Variants in PARD3 observed in about 807,000 individuals in gnomAD.
PARD3 encodes the protein partitioning defective 3 homolog.
PARD3 carries 75 observed loss-of-function variants against 155.4 expected under a neutral mutation model. The observed-to-expected ratio is 0.48, with a 90% CI of 0.40 to 0.58. PARD3 has a LOEUF of 0.58. Ranked by LOEUF, PARD3 falls within the 20% of genes least tolerant of loss-of-function variation. The pLI is 0.00. For synonymous variants in PARD3, 576 were observed against 610.5 expected (o/e 0.94, Z 0.83); for missense variants, 1,642 against 1,721.7 (o/e 0.95, Z 0.82).
intron 2 of PARD3, among the ~76,000 whole-genome samples, chr10:34,694,725 C>T (rs1444872739): frequency 1.3e-5 from 2 of 152,084 alleles, no homozygotes; most frequent in Non-Finnish European, 2.9e-5. Context: ...CCCACAGGAG[C>T]CACATGGGAC....
At chr10:34,678,115 C>T (rs1442603930) in intron 2 of PARD3, among the ~76,000 whole-genome samples, 1 of 151,814 alleles carries the variant, frequency 6.6e-6, no homozygotes, top group African/African-American at 2.4e-5. Flanking sequence ...ACTCAGTCAC[C>T]AAGGCTGGAA....
At chr10:34,655,051 T>G (rs573985671) in intron 2 of PARD3, among the ~76,000 whole-genome samples, 1,739 of 151,806 alleles carry the variant, frequency 0.011, 36 homozygotes, top group African/African-American at 0.04. Flanking sequence ...TCAACAACTT[T>G]TACAGTAATA....
At chr10:34,717,881 T>C (rs189071047) in intron 1 of PARD3, among the ~76,000 whole-genome samples, 11 of 152,142 alleles carry the variant, frequency 7.2e-5, no homozygotes, top group Admixed American at 5.2e-4. Context: ...GGGCCAAGCG[T>C]GGTGGCTCAC....
intron 14 of PARD3, among the ~76,000 whole-genome samples, chr10:34,351,385 A>T (rs1838064686): frequency 6.6e-6 from 1 of 152,250 alleles, no homozygotes. Context: ...CATTATGTGG[A>T]AATAGGCTGT....
intron 2 of PARD3, among the ~76,000 whole-genome samples, chr10:34,610,012 G>A (rs533676331): frequency 1.5e-4 from 23 of 152,232 alleles, no homozygotes; most frequent in African/African-American, 4.1e-4. Context: ...AAACTTAGGC[G>A]GAGGCCAACT....
At chr10:34,349,149 G>T (rs1331029294) in intron 14 of PARD3, among the ~76,000 whole-genome samples, 1 of 152,188 alleles carries the variant, frequency 6.6e-6, no homozygotes, top group Non-Finnish European at 1.5e-5. Context: ...CAGCGGGAGA[G>T]AAGGCGCTCC....
chr10:34,494,206 T>C (rs1564776914), intron 3 of PARD3, among the ~76,000 whole-genome samples: 1 of 152,212 alleles, frequency 6.6e-6, no homozygotes, highest in African/African-American at 2.4e-5. Context: ...CTTGACCAGA[T>C]GCCTATGGCA....
chr10:34,348,117 T>C lies in PARD3; in HGVS notation c.2068-2A>G, dbSNP rs1837617421. Reference sequence around the variant, plus strand: ...AGGGGGGCTCCCAGGTGACTTCAGCTACAGAGTAACGGGTATGGGGGCAAA... The same window carrying C: ...AGGGGGGCTCCCAGGTGACTTCAGCCACAGAGTAACGGGTATGGGGGCAAA... On this transcript the variant is annotated splice_acceptor_variant, in intron 14 of 24. Coordinates refer to ENST00000374788, the MANE Select transcript of PARD3 (RefSeq NM_001184785.2). LOFTEE classifies it high-confidence loss of function. 6.2e-7 allele frequency: 1 copy of C among 1,604,526 alleles called. No individual in the cohort carries two copies. The highest frequency in any genetic ancestry group is 1.3e-5 in the African/African-American group (1 of 74,600).
intron 20 of PARD3, among the ~76,000 whole-genome samples, chr10:34,302,012 G>C (rs535717934): frequency 6.6e-6 from 1 of 151,744 alleles, no homozygotes; most frequent in South Asian, 2.1e-4. Context: ...GTGGTTAGAG[G>C]AATCTTTTAA....
At chr10:34,350,897 G>A (rs1299653080) in intron 14 of PARD3, among the ~76,000 whole-genome samples, 1 of 152,060 alleles carries the variant, frequency 6.6e-6, no homozygotes, top group African/African-American at 2.4e-5. Context: ...AAGTGATACA[G>A]TCTTTTGCTA....
chr10:34,274,073 C>T (rs1441876931), intron 21 of PARD3, among the ~76,000 whole-genome samples: 18 of 152,128 alleles, frequency 1.2e-4, no homozygotes, highest in Admixed American at 1.1e-3. Flanking sequence ...TCTAGGAGAA[C>T]CTTATTTCCT....
At chr10:34,428,174 CAACT>C (rs1233522302) in intron 5 of PARD3, among the ~76,000 whole-genome samples, 1 of 152,148 alleles carries the variant, frequency 6.6e-6, no homozygotes, top group Non-Finnish European at 1.5e-5. Flanking sequence ...CAAGATAGAA[CAACT>C]AACTGAGGAA....
intron 13 of PARD3, among the ~76,000 whole-genome samples, 162 bp downstream of exon 13, chr10:34,359,909 C>T (rs565430518): frequency 4.6e-5 from 7 of 152,210 alleles, no homozygotes; most frequent in African/African-American, 1.4e-4. Context: ...GACTCCATCC[C>T]CACGTGACAC....
chr10:34,229,877 A>C (rs1021771139), intron 22 of PARD3, among the ~76,000 whole-genome samples: 5 of 152,062 alleles, frequency 3.3e-5, no homozygotes, highest in African/African-American at 1.2e-4. Flanking sequence ...TTATTCATCC[A>C]ATTTGTGCAT....
At chr10:34,642,819 C>T (rs2092721161) in intron 2 of PARD3, among the ~76,000 whole-genome samples, 2 of 152,278 alleles carry the variant, frequency 1.3e-5, no homozygotes, top group Admixed American at 1.3e-4. Context: ...GACTACAGGG[C>T]CTCTTACCTG....
intron 3 of PARD3, among the ~76,000 whole-genome samples, chr10:34,515,628 C>T (rs571806320): frequency 8.5e-5 from 13 of 152,292 alleles, no homozygotes; most frequent in African/African-American, 2.6e-4. Context: ...TGTTAAACTG[C>T]TCTTCTTTCC....
At chr10:34,475,402 T>C (rs1372216755) in intron 3 of PARD3, among the ~76,000 whole-genome samples, 1 of 152,226 alleles carries the variant, frequency 6.6e-6, no homozygotes, top group African/African-American at 2.4e-5. Context: ...CACAAATATG[T>C]AGCTGGAAGA....
chr10:34,311,778 C>T (rs1406370776), intron 20 of PARD3, among the ~76,000 whole-genome samples: 2 of 152,160 alleles, frequency 1.3e-5, no homozygotes, highest in African/African-American at 2.4e-5. Flanking sequence ...GGTCTAAACT[C>T]TGTAATCCAC....
chr10:34,327,808 G>A (rs565220614), intron 19 of PARD3, among the ~76,000 whole-genome samples: 11 of 152,252 alleles, frequency 7.2e-5, no homozygotes, highest in African/African-American at 2.2e-4. Flanking sequence ...ATTTCTACGG[G>A]CAGCTGTAAC....
Sources: gnomAD v4.1 joint callset for allele counts (sites outside exome capture counted in the v4.1 genomes callset) on GRCh38, gnomAD v4.1.1 for gene constraint, MANE v1.5 for transcripts, NCBI Gene and HGNC (gene_info 2026-07-23, HGNC 2026-07-21) for gene names.